The following CLDN20 variants were observed in gnomAD, a reference collection of about 807,000 sequenced individuals.
CLDN20 encodes claudin 20.
For synonymous variants in CLDN20, 104 were observed against 103.6 expected (o/e 1.00, Z -0.03); for missense variants, 258 against 267.9 (o/e 0.96, Z 0.26).
chr6:155,270,270 G>A (rs9371876), intron 1 of CLDN20, among the ~76,000 whole-genome samples: 18,995 of 152,216 alleles, frequency 0.12, 1,518 homozygotes, highest in Non-Finnish European at 0.19. Flanking sequence ...CAAGTCAGCA[G>A]ACAGAAACAC....
At chr6:155,274,210 A>G (rs965844635) in intron 1 of CLDN20, among the ~76,000 whole-genome samples, 1 of 152,218 alleles carries the variant, frequency 6.6e-6, no homozygotes, top group South Asian at 2.1e-4. Flanking sequence ...CCACTTTAGC[A>G]TACCATTCAA....
chr6:155,275,776 T>C lies in CLDN20; in HGVS notation c.57T>C (p.Ser19=). The stretch of plus-strand genomic sequence containing the variant: ...TCATCCTGGCCTTATCTGGGGTCTC[T>C]GGAGTGCTCACAGCCACTCTGCTGC... The part of the protein sequence containing the change: ...LAFILALSGV[S]GVLTATLLPN... The change falls in exon 2 of 2, where the codon TCT becomes TCC. Residue 19 remains serine, a synonymous_variant. Coordinates refer to ENST00000367165, the MANE Select transcript of CLDN20 (RefSeq NM_001001346.3). The C allele has an allele frequency of 6.2e-7, 1 of 1,614,162 alleles. No individual in the cohort carries two copies. Among genetic ancestry groups the C allele is most frequent in the Non-Finnish European group, 8.5e-7 (1 of 1,180,014 alleles).
At chr6:155,275,499 T>C in intron 1 of CLDN20, 117 bp from the exon 2 acceptor site, 1 of 507,702 alleles carries the variant, frequency 2.0e-6, no homozygotes, top group Non-Finnish European at 3.5e-6. Context: ...CATCCTCATC[T>C]GCTTGGGGGC....
intron 1 of CLDN20, among the ~76,000 whole-genome samples, chr6:155,270,015 GGAAGCA>G (rs751080509): frequency 5.3e-5 from 8 of 152,222 alleles, no homozygotes; most frequent in Non-Finnish European, 1.0e-4. Flanking sequence ...GCGCTACAGT[GGAAGCA>G]GAAGAGGAGC....
At chr6:155,271,163 T>G (rs527495650) in intron 1 of CLDN20, among the ~76,000 whole-genome samples, 1 of 152,388 alleles carries the variant, frequency 6.6e-6, no homozygotes, top group African/African-American at 2.4e-5. Context: ...CTAACATGGT[T>G]ATTAACAGTT....
chr6:155,274,895 TTATTATG>T (rs1199091395), intron 1 of CLDN20, among the ~76,000 whole-genome samples: 2 of 152,230 alleles, frequency 1.3e-5, no homozygotes, highest in African/African-American at 2.4e-5. Flanking sequence ...ATTTTCTTCC[TTATTATG>T]TATTGAGTAT....
Position 155,276,361 on chromosome 6 carries a change from T to C in CLDN20, c.642T>C (p.Asn214=), listed in dbSNP as rs1291404768. ...NTQLENNSTH[N]LKDYV ...AGCTCGAGAACAATTCCACACACAA[T>C]CTGAAGGATTATGTGTAAATAACTG... Residue 214 remains asparagine (N), a synonymous_variant, in exon 2 of 2, where the codon AAT becomes AAC. Transcript: ENST00000367165. 6 of 1,612,818 alleles carry C rather than the reference T, an allele frequency of 3.7e-6. No individual in the cohort carries two copies. The Admixed American group carries it at 8.3e-5, about 22-fold the overall frequency.
chr6:155,269,933 G>A (rs1286013592), intron 1 of CLDN20, among the ~76,000 whole-genome samples: 2 of 152,232 alleles, frequency 1.3e-5, no homozygotes, highest in Admixed American at 6.5e-5. Flanking sequence ...TCCTGGCACA[G>A]GAGAATCAGT....
intron 1 of CLDN20, among the ~76,000 whole-genome samples, chr6:155,272,963 C>T (rs1469932738): frequency 1.3e-5 from 2 of 152,230 alleles, no homozygotes; most frequent in East Asian, 3.9e-4. Context: ...AAAGGTTATT[C>T]AGTCAAAGTA....
At chr6:155,265,618 G>A (rs903889135) in intron 1 of CLDN20, among the ~76,000 whole-genome samples, 3 of 149,960 alleles carry the variant, frequency 2.0e-5, no homozygotes, top group African/African-American at 4.9e-5. Context: ...TGAATGGAAA[G>A]CAAAGAAGAA....
rs1784515085 is a variant in CLDN20 at position 155,264,098 on chromosome 6, A to AG, written c.-295_-294insG. Reference sequence around the variant, plus strand: ...CATCTTGCAGGCTATAGGCACCACAAAATGGAACGCAGGAGGACAGGGGCT... The same window carrying AG: ...CATCTTGCAGGCTATAGGCACCACAAGAATGGAACGCAGGAGGACAGGGGCT... On this transcript the variant is annotated 5_prime_UTR_variant, in exon 1 of 2. It removes the in-frame stop codon of an upstream open reading frame in the 5' UTR. Coordinates refer to ENST00000367165, the MANE Select transcript of CLDN20 (RefSeq NM_001001346.3). 2 of 152,240 alleles carry AG rather than the reference A, an allele frequency of 1.3e-5. No homozygotes were observed. The highest frequency in any genetic ancestry group is 6.5e-5 in the Admixed American group (1 of 15,276). The allele number at this position is 152,240 out of a possible 1,614,324, so 9.4% of individuals were successfully genotyped here.
In CLDN20 at chr6:155,276,288, C is replaced by T. The variant is rs1785211392; in HGVS notation, c.569C>T (p.Pro190Leu). 6.2e-6 allele frequency: 10 copies of T among 1,613,970 alleles called. No homozygotes were observed. The highest frequency in any genetic ancestry group is 7.6e-6 in the Non-Finnish European group (9 of 1,180,000). Residue 190 changes from proline to leucine, a missense_variant, in exon 2 of 2, where the codon CCA (proline) becomes CTA (leucine). Transcript: ENST00000367165. ...IFCTSCIKRN[P>L]EARLDPPTQQ... ...TGCACCTCCTGTATAAAAAGGAATC[C>T]AGAAGCTAGACTCGACCCACCCACA... is the stretch of plus-strand genomic sequence containing the variant.
intron 1 of CLDN20, among the ~76,000 whole-genome samples, chr6:155,267,670 G>A (rs374760863): frequency 1.3e-5 from 2 of 152,272 alleles, no homozygotes; most frequent in South Asian, 4.1e-4. Context: ...CTTATAGAAA[G>A]TGTAAATTTT....
At chr6:155,268,286 T>C (rs961047382) in intron 1 of CLDN20, among the ~76,000 whole-genome samples, 14 of 152,190 alleles carry the variant, frequency 9.2e-5, no homozygotes, top group African/African-American at 2.9e-4. Context: ...ACTCTGATGG[T>C]TCACACTGCC....
intron 1 of CLDN20, among the ~76,000 whole-genome samples, chr6:155,274,495 T>C (rs776683011): frequency 6.6e-6 from 1 of 152,262 alleles, no homozygotes; most frequent in Non-Finnish European, 1.5e-5. Flanking sequence ...TTCTGGTATG[T>C]ATTTTTGAGA....
chr6:155,275,602 C>A lies in CLDN20; in HGVS notation c.-104-14C>A, dbSNP rs1162321021. The A allele has an allele frequency of 9.5e-7, 1 of 1,052,964 alleles. No individual in the cohort carries two copies. Among genetic ancestry groups the A allele is most frequent in the Non-Finnish European group, 1.4e-6 (1 of 717,832 alleles). The allele number at this position is 1,052,964 out of a possible 1,614,324, so 65.2% of individuals were successfully genotyped here. ...TTTCTTTCGCTCAATCCTGGTTTTG[C>A]CTTTTTTCCTTAGGCTTTGTTATTT... is the stretch of plus-strand genomic sequence containing the variant. On this transcript the variant is annotated splice_polypyrimidine_tract_variant and intron_variant, in intron 1 of 1. Transcript: ENST00000367165.
intron 1 of CLDN20, among the ~76,000 whole-genome samples, chr6:155,264,520 G>A (rs1451741998): frequency 6.6e-6 from 1 of 152,166 alleles, no homozygotes; most frequent in Non-Finnish European, 1.5e-5. Flanking sequence ...GTTCAATAAA[G>A]ATCAACTACA....
At chr6:155,270,743 T>C (rs1362819330) in intron 1 of CLDN20, among the ~76,000 whole-genome samples, 2 of 152,202 alleles carry the variant, frequency 1.3e-5, no homozygotes, top group South Asian at 2.1e-4. Context: ...AAAGCTTATG[T>C]CTGCACTAAC....
rs1785153426 is a variant in CLDN20 at position 155,275,622 on chromosome 6, T to C, written c.-98T>C. The C allele has an allele frequency of 8.1e-7, 1 of 1,229,936 alleles. No homozygotes were observed. The highest frequency in any genetic ancestry group is 2.3e-5 in the Admixed American group (1 of 44,086). The allele number at this position is 1,229,936 out of a possible 1,614,324, so 76.2% of individuals were successfully genotyped here. A position where few individuals can be genotyped will look rare whatever the true frequency, so the allele number is the denominator to read the frequency against. ...TTTTGCCTTTTTTCCTTAGGCTTTG[T>C]TATTTGGTTCTCTACTGCACAGAAA... On this transcript the variant is annotated 5_prime_UTR_variant, in exon 2 of 2. Coordinates refer to ENST00000367165, the MANE Select transcript of CLDN20 (RefSeq NM_001001346.3).
Sources: gnomAD v4.1 joint callset for allele counts (sites outside exome capture counted in the v4.1 genomes callset) on GRCh38, gnomAD v4.1.1 for gene constraint, MANE v1.5 for transcripts, NCBI Gene and HGNC (gene_info 2026-07-23, HGNC 2026-07-21) for gene names.